Variants in RGS6 observed in about 807,000 individuals in gnomAD.
The protein encoded by RGS6 is regulator of G protein signaling 6, also known as regulator of G-protein signaling 6.
A neutral mutation model predicts 78.5 loss-of-function variants in RGS6; 30 were observed. The observed-to-expected ratio is 0.38, with a 90% CI of 0.29 to 0.52. The LOEUF (loss-of-function observed/expected upper bound fraction) is 0.52. Ranked by LOEUF, RGS6 falls within the 20% of genes least tolerant of loss-of-function variation. The pLI is 0.85. For synonymous variants in RGS6, 206 were observed against 206.0 expected, an observed-to-expected ratio of 1.00 and a Z score of 0.00; for missense variants, 495 against 609.7, an observed-to-expected ratio of 0.81 and a Z score of 1.98.
chr14:72,282,000 A>C (rs189127697), intron 2 of RGS6, among the ~76,000 whole-genome samples: 1 of 152,348 alleles, frequency 6.6e-6, no homozygotes, highest in East Asian at 1.9e-4. Context: ...TGTGGCTGCT[A>C]TAAAACTATC....
intron 3 of RGS6, among the ~76,000 whole-genome samples, chr14:72,443,926 T>C (rs999862601): frequency 2.6e-5 from 4 of 152,178 alleles, no homozygotes; most frequent in African/African-American, 2.4e-5. Context: ...GTGGCAACGA[T>C]CCTCCATCTT....
At chr14:72,030,208 AAGG>A (rs1288448756) in intron 2 of RGS6, among the ~76,000 whole-genome samples, 2 of 152,202 alleles carry the variant, frequency 1.3e-5, no homozygotes, top group African/African-American at 4.8e-5. Context: ...AATAGCAACA[AAGG>A]AGGAGGAAAA....
At chr14:71,931,295 T>C (rs953289736), upstream of RGS6, among the ~76,000 whole-genome samples, 1 of 150,210 alleles carries the variant, frequency 6.7e-6, no homozygotes, top group African/African-American at 2.4e-5. Flanking sequence ...ATAACACACA[T>C]GTCTGCTTGT....
chr14:72,518,629 A>T (rs1361202778), intron 15 of RGS6, 92 bp downstream of exon 15: 1 of 1,220,014 alleles, frequency 8.2e-7, no homozygotes, highest in Admixed American at 2.3e-5. Context: ...CATTGTGGGT[A>T]GTTAAAATTT....
At chr14:71,953,154 A>C (rs991825631) in intron 1 of RGS6, among the ~76,000 whole-genome samples, 1 of 152,202 alleles carries the variant, frequency 6.6e-6, no homozygotes, top group Non-Finnish European at 1.5e-5. Flanking sequence ...GGAAGACCCA[A>C]GCTCTAAATG....
chr14:72,361,650 T>C (rs972487430), intron 3 of RGS6, among the ~76,000 whole-genome samples: 1 of 152,164 alleles, frequency 6.6e-6, no homozygotes, highest in African/African-American at 2.4e-5. Context: ...GAGGCCATGA[T>C]ACTGGAAGAC....
At chr14:71,984,548 C>G (rs1566961611) in intron 2 of RGS6, among the ~76,000 whole-genome samples, 1 of 149,138 alleles carries the variant, frequency 6.7e-6, no homozygotes, top group Non-Finnish European at 1.5e-5. Context: ...GAAGAGAAAT[C>G]ATCTGAACTG....
chr14:72,458,971 T>C (rs2095705531), intron 5 of RGS6, among the ~76,000 whole-genome samples: 1 of 152,224 alleles, frequency 6.6e-6, no homozygotes, highest in East Asian at 1.9e-4. Context: ...TCATTTATTC[T>C]GAAGAGCACA....
intron 2 of RGS6, among the ~76,000 whole-genome samples, chr14:72,221,236 A>G (rs1014807514): frequency 2.0e-5 from 3 of 152,208 alleles, no homozygotes; most frequent in Admixed American, 2.0e-4. Context: ...TTTGCAATTT[A>G]TGTCTACAAA....
chr14:72,321,860 C>T (rs61995109), intron 2 of RGS6, among the ~76,000 whole-genome samples: 3 of 151,900 alleles, frequency 2.0e-5, no homozygotes, highest in Non-Finnish European at 2.9e-5. Flanking sequence ...AATATGTCAT[C>T]CTTTCAGATG....
At chr14:72,225,824 T>C (rs2048002257) in intron 2 of RGS6, among the ~76,000 whole-genome samples, 1 of 152,244 alleles carries the variant, frequency 6.6e-6, no homozygotes, top group Admixed American at 6.5e-5. Flanking sequence ...TTCAATAAGT[T>C]CCATCTATCA....
At chr14:72,577,496 C>G in the RGS6 span, among the ~76,000 whole-genome samples, 1 of 152,218 alleles carries the variant, frequency 6.6e-6, no homozygotes, top group South Asian at 2.1e-4. Flanking sequence ...CTGAAAAACA[C>G]CCATCTTGAG....
intron 6 of RGS6, among the ~76,000 whole-genome samples, chr14:72,460,874 C>A (rs147253765): frequency 2.8e-4 from 42 of 152,016 alleles, no homozygotes; most frequent in Non-Finnish European, 5.6e-4. Context: ...CACGTTTGAG[C>A]AAGAGGAAAC....
At chr14:71,971,675 G>C (rs1445498000) in intron 2 of RGS6, among the ~76,000 whole-genome samples, 1 of 152,218 alleles carries the variant, frequency 6.6e-6, no homozygotes, top group East Asian at 1.9e-4. Flanking sequence ...CTCCAGCACA[G>C]TGTCTTTTTA....
rs141781329 is a variant in RGS6, at chr14:72,102,238, C to G, written c.84+137363C>G. ...TAGGAAGTTGAAAAAGATTCTAATT[C>G]CTAACACAGTAGCTCCTGCTATTTT... is the stretch of plus-strand genomic sequence containing the variant. On this transcript the variant is annotated intron_variant, in intron 2 of 17. Coordinates refer to ENST00000553525, the MANE Select transcript of RGS6 (RefSeq NM_001204424.2). Among the ~76,000 whole-genome samples the G allele has an allele frequency of 3.3e-5, 5 of 152,284 alleles. No individual in the cohort carries two copies. In the East Asian group the frequency reaches 5.8e-4, roughly 18 times the overall value.
chr14:72,149,884 C>T (rs1473832709), intron 2 of RGS6, among the ~76,000 whole-genome samples: 3 of 152,148 alleles, frequency 2.0e-5, no homozygotes, highest in Non-Finnish European at 1.5e-5. Context: ...GTATGGTTCC[C>T]TTCGGAGGTA....
intron 2 of RGS6, among the ~76,000 whole-genome samples, chr14:72,190,125 T>A (rs537677740): frequency 7.2e-5 from 11 of 152,120 alleles, no homozygotes; most frequent in Non-Finnish European, 1.6e-4. Flanking sequence ...GACTTTTCCC[T>A]CCTGCCTGAT....
At chr14:72,460,107 T>G (rs1287785723) in intron 6 of RGS6, among the ~76,000 whole-genome samples, 1 of 152,122 alleles carries the variant, frequency 6.6e-6, no homozygotes, top group Non-Finnish European at 1.5e-5. Context: ...CTAAGAACCT[T>G]TTGGTGTTCT....
At chr14:72,157,997 C>T (rs11851166) in intron 2 of RGS6, among the ~76,000 whole-genome samples, 3,484 of 152,190 alleles carry the variant, frequency 0.023, 132 homozygotes, top group African/African-American at 0.079. Context: ...CCCTTAGCCC[C>T]GCACTTTGTC....
Sources: gnomAD v4.1 joint callset for allele counts (sites outside exome capture counted in the v4.1 genomes callset) on GRCh38, gnomAD v4.1.1 for gene constraint, MANE v1.5 for transcripts, NCBI Gene and HGNC (gene_info 2026-07-23, HGNC 2026-07-21) for gene names.